The following LUZP1 variants were observed in gnomAD, a reference collection of about 807,000 sequenced individuals.
LUZP1 encodes leucine zipper protein 1, also known as filamin mechanobinding actin cross-linking protein.
LUZP1 carries 25 observed loss-of-function variants against 71.3 expected under a neutral mutation model. That is an observed-to-expected ratio of 0.35 (90% confidence interval 0.26 to 0.49). The LOEUF is 0.49. Among genes scored for constraint, LUZP1 ranks in the 20% least tolerant of loss-of-function variants. The pLI is 0.99. For synonymous variants in LUZP1, 481 were observed against 506.4 expected, an observed-to-expected ratio of 0.95 and a Z score of 0.67; for missense variants, 1,142 against 1,300.8, an observed-to-expected ratio of 0.88 and a Z score of 1.88.
At chr1:23,128,174 C>A (rs1471629216) in intron 2 of LUZP1, among the ~76,000 whole-genome samples, 3 of 151,750 alleles carry the variant, frequency 2.0e-5, no homozygotes, top group African/African-American at 7.3e-5. Flanking sequence ...TCATTCAACT[C>A]CCTTTTAATT....
At chr1:23,157,586 T>C (rs1644429924) in intron 2 of LUZP1, among the ~76,000 whole-genome samples, 1 of 150,996 alleles carries the variant, frequency 6.6e-6, no homozygotes, top group African/African-American at 2.4e-5. Flanking sequence ...AGGTCAGGAG[T>C]TCAAGACCAG....
At chr1:23,138,997 C>CAAAAAAAAAAAAAAA (rs535524035) in intron 2 of LUZP1, among the ~76,000 whole-genome samples, 1 of 21,582 alleles carries the variant, frequency 4.6e-5, no homozygotes, top group African/African-American at 1.8e-4. Context: ...GACTCCATCT[C>CAAAAAAAAAAAAAAA]AAAAAAAAAA....
chr1:23,109,204 G>A (rs1035660660), intron 2 of LUZP1, 77 bp from the exon 2 acceptor site: 1 of 152,254 alleles, frequency 6.6e-6, no homozygotes, highest in African/African-American at 2.4e-5. Context: ...CCAGAGGGCT[G>A]TCCCAAAGAC....
At chr1:23,091,108 G>A in intron 4 of LUZP1, 82 bp downstream of exon 3, 1 of 1,374,590 alleles carries the variant, frequency 7.3e-7, no homozygotes, top group Non-Finnish European at 9.9e-7. Flanking sequence ...GGTCACACAG[G>A]CCAGAGCAGA....
intron 2 of LUZP1, among the ~76,000 whole-genome samples, chr1:23,150,784 A>G (rs184278799): frequency 1.1e-3 from 170 of 152,286 alleles, no homozygotes; most frequent in African/African-American, 4.0e-3. Flanking sequence ...AACTAGCCCT[A>G]ATTTTCAAGT....
upstream of LUZP1, among the ~76,000 whole-genome samples, chr1:23,177,997 AG>A (rs911163194): frequency 6.6e-6 from 1 of 152,238 alleles, no homozygotes; most frequent in Non-Finnish European, 1.5e-5. Context: ...CCGGGAGCGC[AG>A]CCAGGAAATC....
intron 1 of LUZP1, among the ~76,000 whole-genome samples, chr1:23,176,315 G>C (rs375556017): frequency 1.1e-4 from 17 of 152,182 alleles, no homozygotes; most frequent in African/African-American, 4.1e-4. Flanking sequence ...GCCCACCTCA[G>C]CCTCCCCAAA....
intron 1 of LUZP1, among the ~76,000 whole-genome samples, chr1:23,175,285 C>A (rs945966737): frequency 6.6e-6 from 1 of 152,132 alleles, no homozygotes; most frequent in Admixed American, 6.6e-5. Context: ...TGGCTTTGGG[C>A]AAGTCATTGA....
intron 2 of LUZP1, among the ~76,000 whole-genome samples, chr1:23,142,949 G>A (rs1042658073): frequency 2.6e-5 from 4 of 151,442 alleles, no homozygotes; most frequent in East Asian, 3.9e-4. Flanking sequence ...CAGGAGGATC[G>A]CTTGAGCTCA....
chr1:23,157,071 CGCCTGTA>C lies in LUZP1; in HGVS notation c.-226+11688_-226+11694del, dbSNP rs371878971. ...TTCCAAGGCAGGGAGCAGTGGCTCA[CGCCTGTA>C]ATCCCAACATTTTGGAAGGCCAAGG... On this transcript the variant is annotated intron_variant, in intron 2 of 4. Transcript: ENST00000302291. Among the ~76,000 whole-genome samples the C allele has an allele frequency of 1.8e-4, 27 of 152,368 alleles. No individual in the cohort carries two copies. The East Asian group carries it at 5.2e-3, about 29-fold the overall frequency.
At chr1:23,139,019 A>AAAAAAAAAAAAAATATAT (rs1317355746) in intron 2 of LUZP1, among the ~76,000 whole-genome samples, 1 of 59,962 alleles carries the variant, frequency 1.7e-5, no homozygotes, top group Non-Finnish European at 2.7e-5. Flanking sequence ...AAAAAAAAAA[A>AAAAAAAAAAAAAATATAT]ATATATATAT....
intron 2 of LUZP1, among the ~76,000 whole-genome samples, chr1:23,135,347 A>G (rs1569639153): frequency 6.6e-6 from 1 of 152,248 alleles, no homozygotes; most frequent in East Asian, 1.9e-4. Context: ...TTAGAATTAC[A>G]TACAAAGAAC....
rs1474686852 is a variant in LUZP1, at chr1:23,093,624, T to G, written c.638A>C (p.Glu213Ala). ...GTTCTGCTCTAGTTTTTGAGTGAGT[T>G]CTTTTATCAATTTCTCATTTTCTTT... The change falls in exon 4 of 5, where the codon GAA becomes GCA. Residue 213 changes from glutamate (E) to alanine (A), a missense_variant. By Grantham distance (107) the Glu-to-Ala change is moderately radical. Coordinates refer to ENST00000302291, the Ensembl canonical transcript of LUZP1. The surrounding 1 kb of genome is among the most constrained non-coding windows in gnomAD (Gnocchi z 4.2). 1 of 1,612,018 alleles carries G rather than the reference T, an allele frequency of 6.2e-7. No individual in the cohort carries two copies. Among genetic ancestry groups the G allele is most frequent in the Middle Eastern group, 1.7e-4 (1 of 6,050 alleles).
At chr1:23,096,808 A>G (rs192453558) in intron 3 of LUZP1, among the ~76,000 whole-genome samples, 291 of 152,206 alleles carry the variant, frequency 1.9e-3, no homozygotes, top group Middle Eastern at 6.8e-3. Context: ...CCCCATCTCT[A>G]CTAAAAATAC....
Position 23,094,057 on chromosome 1 carries a change from G to C in LUZP1, c.205C>G (p.Arg69Gly). Residue 69 changes from arginine to glycine, a missense_variant, in exon 4 of 5, where the codon CGC becomes GGC. Arg to Gly is a moderately radical substitution (Grantham distance 125). Coordinates refer to ENST00000302291, the Ensembl canonical transcript of LUZP1. The surrounding 1 kb of genome is among the most constrained non-coding windows in gnomAD (Gnocchi z 4.7). ...CCTTCAATTCTCAGCACCCGCTGGC[G>C]CAGCACTTCAATCTCCGCCAACATG... 1.2e-6 allele frequency: 2 copies of C among 1,614,112 alleles called. No individual in the cohort carries two copies. The highest frequency in any genetic ancestry group is 8.5e-7 in the Non-Finnish European group (1 of 1,180,020).
intron 3 of LUZP1, among the ~76,000 whole-genome samples, chr1:23,099,136 C>A (rs1231487194): frequency 1.3e-5 from 2 of 152,198 alleles, no homozygotes; most frequent in Non-Finnish European, 2.9e-5. Context: ...AGGGAAAAAA[C>A]CTCCTATAGT....
chr1:23,119,213 C>T (rs911515889), intron 2 of LUZP1, among the ~76,000 whole-genome samples: 1 of 145,268 alleles, frequency 6.9e-6, no homozygotes, highest in African/African-American at 2.5e-5. Context: ...GTGAAATAAA[C>T]AGTCAACATT....
chr1:23,166,653 C>CAAAA (rs538327046), intron 2 of LUZP1, among the ~76,000 whole-genome samples: 18 of 70,890 alleles, frequency 2.5e-4, no homozygotes, highest in African/African-American at 5.4e-4. Context: ...CACTCCGTCT[C>CAAAA]AAAAAAAAAA....
In LUZP1 at chr1:23,093,112, A is replaced by T; in HGVS notation, c.1150T>A (p.Ser384Thr). ...TCCCGCGCTGTGTGCTTGGACACAG[A>T]AGCTTCACTTCCGTGGCCTCTAAAC... The change falls in exon 4 of 5, where the codon TCT (serine) becomes ACT (threonine). Residue 384 changes from serine (S) to threonine (T), a missense_variant. Transcript: ENST00000302291. The surrounding 1 kb of genome is among the most constrained non-coding windows in gnomAD (Gnocchi z 4.2). 1 of 1,614,094 alleles carries T rather than the reference A, an allele frequency of 6.2e-7. No individual in the cohort carries two copies. Among genetic ancestry groups the T allele is most frequent in the Non-Finnish European group, 8.5e-7 (1 of 1,180,018 alleles).
Sources: gnomAD v4.1 joint callset for allele counts (sites outside exome capture counted in the v4.1 genomes callset) on GRCh38, gnomAD v4.1.1 for gene constraint, Gnocchi (gnomAD v3.1) non-coding constraint, MANE v1.5 for transcripts, NCBI Gene and HGNC (gene_info 2026-07-23, HGNC 2026-07-21) for gene names.